CARMIL1: variants seen among roughly 807,000 people sequenced by gnomAD.
CARMIL1 encodes F-actin-uncapping protein LRRC16A.
In CARMIL1, 90 loss-of-function variants were observed where a neutral mutation model predicts 177.1. That is an observed-to-expected ratio of 0.51 (90% CI 0.43 to 0.61). The LOEUF (loss-of-function observed/expected upper bound fraction) is 0.61. Ranked by LOEUF, CARMIL1 falls within the 20% of genes least tolerant of loss-of-function variation. The pLI is 0.00. For missense variants in CARMIL1, 1,380 were observed against 1,667.0 expected (o/e 0.83, Z 3.00); for synonymous variants, 577 against 606.2 (o/e 0.95, Z 0.71).
chr6:25,485,559 C>T (rs1046739655), intron 12 of CARMIL1, among the ~76,000 whole-genome samples: 2 of 152,168 alleles, frequency 1.3e-5, no homozygotes, highest in Non-Finnish European at 2.9e-5. Context: ...CTCAGCCTCC[C>T]GAGTAGCTGG....
Position 25,537,912 on chromosome 6 carries a change from G to A in CARMIL1, c.2125G>A (p.Gly709Arg), listed in dbSNP as rs41271819. 4.4e-6 allele frequency: 7 copies of A among 1,608,278 alleles called. No homozygotes were observed. The highest frequency in any genetic ancestry group is 3.4e-5 in the Admixed American group (2 of 59,284). Residue 709 changes from glycine to arginine, a missense_variant, in exon 25 of 37, where the codon GGG becomes AGG. Gly to Arg is a moderately radical substitution (Grantham distance 125). Coordinates refer to ENST00000329474, the MANE Select transcript of CARMIL1 (RefSeq NM_017640.6). ...TCATCTCAACTCCTTACGAAATTGTGGGGGAGACGCTATCCAGGAAGATTT... is the reference window on the plus strand; with the variant it reads ...TCATCTCAACTCCTTACGAAATTGTAGGGGAGACGCTATCCAGGAAGATTT... ...QDHLNSLRNC[G>R]GDAIQEDLKS... is the part of the protein sequence containing the mutation.
chr6:25,348,063 A>G (rs372956975), intron 2 of CARMIL1, among the ~76,000 whole-genome samples: 1 of 152,226 alleles, frequency 6.6e-6, no homozygotes, highest in African/African-American at 2.4e-5. Flanking sequence ...GCTCATTGAT[A>G]TAAACAACAA....
chr6:25,560,081 TAA>T (rs1429139115), intron 29 of CARMIL1, among the ~76,000 whole-genome samples: 2 of 152,214 alleles, frequency 1.3e-5, no homozygotes, highest in African/African-American at 4.8e-5. Context: ...CAACAACAAT[TAA>T]ACTTTTGTTT....
rs1213619272 is a variant in CARMIL1 at position 25,490,734 on chromosome 6, TAAATAAATAAATAAATAAAA to T, written c.1066-994_1066-975del. On this transcript the variant is annotated intron_variant, in intron 13 of 36. Coordinates refer to ENST00000329474, the MANE Select transcript of CARMIL1 (RefSeq NM_017640.6). ...ATAAATAAATAAATAAATAAATAAATAAATAAATAAATAAATAAAAAAAAATAAATGTCATTCTGTGTGTA... is the reference window on the plus strand; with the variant it reads ...ATAAATAAATAAATAAATAAATAAATAAAAATAAATGTCATTCTGTGTGTA... Among the ~76,000 whole-genome samples the T allele has an allele frequency of 8.9e-3, 1,190 of 133,764 alleles. 20 individuals carry two copies. The highest frequency in any genetic ancestry group is 0.021 in the African/African-American group (694 of 33,220). 87.8% of individuals were successfully genotyped at this position (133,764 alleles called of 152,430 possible). A position where few individuals can be genotyped will look rare whatever the true frequency, so the allele number is the denominator to read the frequency against.
chr6:25,337,562 A>G (rs1003413639), intron 2 of CARMIL1, among the ~76,000 whole-genome samples: 2 of 152,260 alleles, frequency 1.3e-5, no homozygotes, highest in Non-Finnish European at 2.9e-5. Context: ...ATCCGTGTCC[A>G]TAATGGCATC....
intron 31 of CARMIL1, among the ~76,000 whole-genome samples, chr6:25,588,023 A>G (rs752109442): frequency 5.9e-5 from 9 of 152,374 alleles, no homozygotes; most frequent in Admixed American, 4.6e-4. Flanking sequence ...AAAAAATTAT[A>G]TAAATTTTAA....
At chr6:25,561,589 T>A (rs1450745050) in intron 29 of CARMIL1, among the ~76,000 whole-genome samples, 1 of 152,216 alleles carries the variant, frequency 6.6e-6, no homozygotes, top group South Asian at 2.1e-4. Flanking sequence ...CAGTATATAT[T>A]TTTTAAGTTT....
In CARMIL1 at chr6:25,580,918, T is replaced by C; in HGVS notation, c.2743-6T>C. On this transcript the variant is annotated splice_region_variant and splice_polypyrimidine_tract_variant and intron_variant, in intron 29 of 36. Transcript: ENST00000329474. ...GTGTTTTTTTAAATTATTATTTCAT[T>C]TCTAGATGACCCCTAAATCCAAAAG... 1 of 1,583,548 alleles carries C rather than the reference T, an allele frequency of 6.3e-7. No individual in the cohort carries two copies. Among genetic ancestry groups the C allele is most frequent in the East Asian group, 2.3e-5 (1 of 43,768 alleles).
At chr6:25,609,943 G>T in intron 35 of CARMIL1, 107 bp from the exon 36 acceptor site, 2 of 1,298,042 alleles carry the variant, frequency 1.5e-6, no homozygotes, top group Non-Finnish European at 2.1e-6. Context: ...ATTCTATGAT[G>T]CTTTATTTTT....
intron 2 of CARMIL1, among the ~76,000 whole-genome samples, chr6:25,352,084 CTAAATGTT>C: frequency 6.7e-6 from 1 of 150,370 alleles, no homozygotes; most frequent in South Asian, 2.1e-4. Context: ...CCAGCAAGGA[CTAAATGTT>C]TAAGAAAACG....
At chr6:25,543,332 G>GC in intron 26 of CARMIL1, among the ~76,000 whole-genome samples, 1 of 152,224 alleles carries the variant, frequency 6.6e-6, no homozygotes. Context: ...AAAATAAATG[G>GC]CCAGATAAGC....
chr6:25,570,281 A>G (rs1196969762), intron 29 of CARMIL1, among the ~76,000 whole-genome samples: 1 of 152,174 alleles, frequency 6.6e-6, no homozygotes, highest in African/African-American at 2.4e-5. Flanking sequence ...ACTTTTTAAA[A>G]ATTTATAATG....
chr6:25,601,633 A>G (rs1815413411), intron 33 of CARMIL1, among the ~76,000 whole-genome samples: 2 of 152,236 alleles, frequency 1.3e-5, no homozygotes, highest in African/African-American at 4.8e-5. Context: ...AAAACACTCA[A>G]GGTATTCTAT....
At chr6:25,459,269 T>TCTTTCTC (rs56094712) in intron 8 of CARMIL1, among the ~76,000 whole-genome samples, 2 of 118,152 alleles carry the variant, frequency 1.7e-5, no homozygotes, top group African/African-American at 6.4e-5. Context: ...TTTCTTTCTT[T>TCTTTCTC]TTTTTTTTTT....
Position 25,488,555 on chromosome 6 carries a change from A to C in CARMIL1, c.1035A>C (p.Ser345=). The change falls in exon 13 of 37, where the codon TCA becomes TCC. Residue 345 remains serine (S), a synonymous_variant. Transcript: ENST00000329474. Reference sequence around the variant, plus strand: ...CTACCCTTGTCCACCTCGACCTCTCAGGGAACGTCCTTCGTGGAGATGACC... The same window carrying C: ...CTACCCTTGTCCACCTCGACCTCTCCGGGAACGTCCTTCGTGGAGATGACC... ...TASTLVHLDL[S]GNVLRGDDLS... is the part of the protein sequence containing the mutation. 2 of 1,613,920 alleles carry C rather than the reference A, an allele frequency of 1.2e-6. No homozygotes were observed. The highest frequency in any genetic ancestry group is 2.2e-5 in the South Asian group (2 of 91,082).
chr6:25,470,761 G>A (rs531671591), intron 9 of CARMIL1, among the ~76,000 whole-genome samples: 5 of 152,282 alleles, frequency 3.3e-5, no homozygotes, highest in Non-Finnish European at 7.4e-5. Context: ...GGGCAAGATA[G>A]CTCTCTGGGG....
At chr6:25,377,780 A>C (rs1292069761) in intron 2 of CARMIL1, among the ~76,000 whole-genome samples, 1 of 152,154 alleles carries the variant, frequency 6.6e-6, no homozygotes, top group Non-Finnish European at 1.5e-5. Flanking sequence ...TCCTTCCTGC[A>C]TGTTGTCTTC....
chr6:25,371,275 G>A (rs1422179664), intron 2 of CARMIL1, among the ~76,000 whole-genome samples: 1 of 152,190 alleles, frequency 6.6e-6, no homozygotes, highest in Non-Finnish European at 1.5e-5. Flanking sequence ...TTGCCCAGTA[G>A]TGAGATTGCT....
In CARMIL1 at chr6:25,326,299, T is replaced by C. The variant is rs1785090754; in HGVS notation, c.138+41390T>C. 6.6e-6 allele frequency among the ~76,000 whole-genome samples: 1 copy of C among 152,154 alleles called. No individual in the cohort carries two copies. Among genetic ancestry groups the C allele is most frequent in the Admixed American group, 6.5e-5 (1 of 15,272 alleles). On this transcript the variant is annotated intron_variant, in intron 2 of 36. Coordinates refer to ENST00000329474, the MANE Select transcript of CARMIL1 (RefSeq NM_017640.6). The surrounding 1 kb of genome is among the most constrained non-coding windows in gnomAD (Gnocchi z 4.2). ...ATTGTGCAAAGGCCCTGAGGAAGTG[T>C]GTGGTTTTAGTGGAGAGCTAAAGAA...
Sources: gnomAD v4.1 joint callset for allele counts (sites outside exome capture counted in the v4.1 genomes callset) on GRCh38, gnomAD v4.1.1 for gene constraint, Gnocchi (gnomAD v3.1) non-coding constraint, MANE v1.5 for transcripts, NCBI Gene and HGNC (gene_info 2026-07-23, HGNC 2026-07-21) for gene names.